The following UNC5D variants were observed in gnomAD, a reference collection of about 807,000 sequenced individuals.
UNC5D encodes unc-5 netrin receptor D.
Under a neutral mutation model 105.4 loss-of-function variants are expected in UNC5D, and 39 were observed. The observed-to-expected ratio is 0.37, with a 90% CI of 0.29 to 0.48. The LOEUF is 0.48. Among genes scored for constraint, UNC5D ranks in the 20% least tolerant of loss-of-function variants. UNC5D has a pLI of 0.98. For missense variants in UNC5D, 991 were observed against 1,202.4 expected, an observed-to-expected ratio of 0.82 and a Z score of 2.60; for synonymous variants, 452 against 450.4, an observed-to-expected ratio of 1.00 and a Z score of -0.04.
At chr8:35,256,206 C>T (rs1228752905) in intron 1 of UNC5D, 1 of 152,108 alleles carries the variant, frequency 6.6e-6, no homozygotes, top group Non-Finnish European at 1.5e-5. Context: ...TTGTTATTTT[C>T]TAAATCTTTG....
chr8:35,544,678 C>A (rs764658799), intron 1 of UNC5D: 71 of 1,103,344 alleles, frequency 6.4e-5, no homozygotes, highest in Admixed American at 6.2e-4. Context: ...TCACGGCTCA[C>A]GGCAACCTCT....
At chr8:35,547,590 C>T (rs1439158591) in intron 1 of UNC5D, among the ~76,000 whole-genome samples, 2 of 152,188 alleles carry the variant, frequency 1.3e-5, no homozygotes, top group Non-Finnish European at 2.9e-5. Flanking sequence ...TAAGCCACCG[C>T]GGCCAGTCAG....
At chr8:35,610,599 G>A (rs1038167828) in intron 4 of UNC5D, among the ~76,000 whole-genome samples, 3 of 152,102 alleles carry the variant, frequency 2.0e-5, no homozygotes, top group African/African-American at 4.8e-5. Context: ...CTAGGAGATC[G>A]GATGCCTAGA....
chr8:35,367,968 G>T (rs559735940), intron 1 of UNC5D, among the ~76,000 whole-genome samples: 1 of 152,184 alleles, frequency 6.6e-6, no homozygotes, highest in East Asian at 1.9e-4. Context: ...TAATTTATTA[G>T]CAAGCAGGTT....
At chr8:35,626,143 A>T (rs1016374684) in intron 4 of UNC5D, among the ~76,000 whole-genome samples, 1 of 150,110 alleles carries the variant, frequency 6.7e-6, no homozygotes, top group East Asian at 2.0e-4. Flanking sequence ...CTCATGTTCC[A>T]TTGTGTCTGC....
At chr8:35,642,765 A>G (rs945573898) in intron 4 of UNC5D, among the ~76,000 whole-genome samples, 1 of 152,130 alleles carries the variant, frequency 6.6e-6, no homozygotes, top group African/African-American at 2.4e-5. Flanking sequence ...GGCCCGGTAC[A>G]GATTTAATTT....
intron 9 of UNC5D, chr8:35,724,327 TCTGCCTCATG>T: frequency 6.5e-7 from 1 of 1,533,326 alleles, no homozygotes; most frequent in Non-Finnish European, 8.7e-7. Context: ...ATTATGGTAA[TCTGCCTCATG>T]CTGATATCAT....
chr8:35,645,766 T>C (rs899084609), intron 4 of UNC5D, among the ~76,000 whole-genome samples: 8 of 152,090 alleles, frequency 5.3e-5, no homozygotes, highest in Middle Eastern at 3.2e-3. Context: ...CTTGAGGGTA[T>C]TGTTCTCTTT....
chr8:35,367,279 C>T (rs1802171989), intron 1 of UNC5D, among the ~76,000 whole-genome samples: 1 of 152,168 alleles, frequency 6.6e-6, no homozygotes, highest in African/African-American at 2.4e-5. Flanking sequence ...TAAATTTTTA[C>T]CTTCTCTTCC....
intron 1 of UNC5D, among the ~76,000 whole-genome samples, chr8:35,507,313 C>A (rs1812390872): frequency 6.6e-6 from 1 of 152,060 alleles, no homozygotes; most frequent in Non-Finnish European, 1.5e-5. Flanking sequence ...CCTCGGCCTC[C>A]CAAAGTGCTG....
chr8:35,291,136 A>C (rs888620443), intron 1 of UNC5D, among the ~76,000 whole-genome samples: 1 of 152,082 alleles, frequency 6.6e-6, no homozygotes. Flanking sequence ...AAATTGTGTG[A>C]TATAGAGTGG....
chr8:35,316,148 C>T (rs1035052044), intron 1 of UNC5D, among the ~76,000 whole-genome samples: 11 of 152,132 alleles, frequency 7.2e-5, no homozygotes, highest in Non-Finnish European at 1.2e-4. Context: ...AGTTGAATAG[C>T]TGTATTGTTT....
At chr8:35,577,024 T>A (rs532265948) in intron 3 of UNC5D, among the ~76,000 whole-genome samples, 2 of 152,236 alleles carry the variant, frequency 1.3e-5, no homozygotes, top group African/African-American at 4.8e-5. Flanking sequence ...GTTAACATTT[T>A]ACTATGTTAG....
rs10715369 is a variant in UNC5D at position 35,365,591 on chromosome 8, C to CAAAAAAAAAAAAAAA, written c.103+129716_103+129730dup. 2.8e-4 allele frequency among the ~76,000 whole-genome samples: 14 copies of CAAAAAAAAAAAAAAA among 49,884 alleles called. 1 individual carries two copies. The highest frequency in any genetic ancestry group is 9.7e-4 in the African/African-American group (12 of 12,392). 32.7% of individuals were successfully genotyped at this position (49,884 alleles called of 152,430 possible). On this transcript the variant is annotated intron_variant, in intron 1 of 16. Transcript: ENST00000404895. ...TCTTAGGCTTTCATGCCATCCCCTGCAAAAAAAAAAAAAAAAAAAAAAAAA... is the reference window on the plus strand; with the variant it reads ...TCTTAGGCTTTCATGCCATCCCCTGCAAAAAAAAAAAAAAAAAAAAAAAAAAAAAAAAAAAAAAAA...
At chr8:35,645,062 TC>T (rs1167547355) in intron 4 of UNC5D, among the ~76,000 whole-genome samples, 2 of 152,286 alleles carry the variant, frequency 1.3e-5, no homozygotes, top group East Asian at 3.9e-4. Flanking sequence ...GGTTGCAATG[TC>T]CTTTAGCTGT....
chr8:35,524,665 AAAAAGAAAAAAAAAGG>A, intron 1 of UNC5D, among the ~76,000 whole-genome samples: 1 of 150,614 alleles, frequency 6.6e-6, no homozygotes, highest in African/African-American at 2.4e-5. Flanking sequence ...AGAAAAAAGA[AAAAAGAAAAAAAAAGG>A]AAAAGAAAAC....
intron 1 of UNC5D, among the ~76,000 whole-genome samples, chr8:35,237,187 T>A (rs1284518045): frequency 6.9e-6 from 1 of 144,492 alleles, no homozygotes; most frequent in African/African-American, 2.6e-5. Context: ...AAGTTTTTTT[T>A]TTTTTTTTTT....
chr8:35,698,608 G>T (rs1826959884), intron 7 of UNC5D, among the ~76,000 whole-genome samples: 1 of 152,208 alleles, frequency 6.6e-6, no homozygotes, highest in East Asian at 1.9e-4. Context: ...CTTTTAAGGT[G>T]AATAATATTT....
intron 1 of UNC5D, among the ~76,000 whole-genome samples, chr8:35,247,869 AT>A (rs1380105791): frequency 8.7e-5 from 1 of 11,446 alleles, no homozygotes; most frequent in Non-Finnish European, 1.3e-4. Flanking sequence ...TATATATAAA[AT>A]ATATATAATA....
Sources: gnomAD v4.1 joint callset for allele counts (sites outside exome capture counted in the v4.1 genomes callset) on GRCh38, gnomAD v4.1.1 for gene constraint, MANE v1.5 for transcripts, NCBI Gene and HGNC (gene_info 2026-07-23, HGNC 2026-07-21) for gene names.